The following AMBP variants were observed in gnomAD, a reference collection of about 807,000 sequenced individuals.
The protein encoded by AMBP is alpha-1-microglobulin/bikunin precursor.
AMBP carries 37 observed loss-of-function variants against 46.3 expected under a neutral mutation model. That is an observed-to-expected ratio of 0.80 (90% confidence interval 0.61 to 1.05). The LOEUF is 1.05. Among genes scored for constraint, AMBP ranks in the 50% least tolerant of loss-of-function variants. The pLI is 0.00. For synonymous variants in AMBP, 174 were observed against 175.9 expected, an observed-to-expected ratio of 0.99 and a Z score of 0.09; for missense variants, 475 against 461.2, an observed-to-expected ratio of 1.03 and a Z score of -0.27.
chr9:114,076,812 C>G (rs1266174722), intron 1 of AMBP, 72 bp from the exon 2 acceptor site: 26 of 1,541,490 alleles, frequency 1.7e-5, no homozygotes, highest in Non-Finnish European at 2.1e-5. Flanking sequence ...GACATCTGCT[C>G]CCCACCCTCC....
At chr9:114,076,285 G>A (rs1259756236) in intron 2 of AMBP, among the ~76,000 whole-genome samples, 1 of 151,986 alleles carries the variant, frequency 6.6e-6, no homozygotes, top group African/African-American at 2.4e-5. Flanking sequence ...ACTTGATGAT[G>A]GGTGACAGGG....
At chr9:114,066,534 TGAAAA>T (rs1374562510) in intron 6 of AMBP, among the ~76,000 whole-genome samples, 1 of 151,674 alleles carries the variant, frequency 6.6e-6, no homozygotes, top group African/African-American at 2.4e-5. Context: ...CAGAATAAGA[TGAAAA>T]GAGAAAATCC....
chr9:114,065,278 C>A (rs1846682649), intron 6 of AMBP, among the ~76,000 whole-genome samples: 1 of 152,148 alleles, frequency 6.6e-6, no homozygotes, highest in Non-Finnish European at 1.5e-5. Flanking sequence ...TTAGGGTGGA[C>A]CCTAATCCAA....
intron 6 of AMBP, among the ~76,000 whole-genome samples, chr9:114,065,869 C>T (rs1846688373): frequency 6.6e-6 from 1 of 152,054 alleles, no homozygotes; most frequent in Non-Finnish European, 1.5e-5. Context: ...CAGAAACTAC[C>T]CAAACCCACC....
At chr9:114,061,314 T>C in intron 8 of AMBP, 110 bp downstream of exon 8, 1 of 1,539,572 alleles carries the variant, frequency 6.5e-7, no homozygotes, top group Non-Finnish European at 8.9e-7. Flanking sequence ...CGCCTGGAGT[T>C]CTACCACTGG....
At chr9:114,064,224 A>G (rs1846669938) in intron 6 of AMBP, among the ~76,000 whole-genome samples, 1 of 152,206 alleles carries the variant, frequency 6.6e-6, no homozygotes, top group African/African-American at 2.4e-5. Context: ...CTTTCCTGAA[A>G]AAATTATTTG....
chr9:114,061,520 A>G lies in AMBP; in HGVS notation c.757T>C (p.Ser253Pro), dbSNP rs1242368979. The G allele has an allele frequency of 6.2e-6, 10 of 1,614,058 alleles. No individual in the cohort carries two copies. Among genetic ancestry groups the G allele is most frequent in the Non-Finnish European group, 8.5e-6 (10 of 1,179,988 alleles). Residue 253 changes from serine (S) to proline (P), a missense_variant, in exon 8 of 10, where the codon TCC (serine) becomes CCC (proline). Coordinates refer to ENST00000265132, the MANE Select transcript of AMBP (RefSeq NM_001633.4). The part of the protein sequence containing the change: ...MTSRYFYNGT[S>P]MACETFQYGG... ...TACTGGAAAGTCTCACAGGCCATGG[A>G]TGTACCATTATAGAAATACCTGCTG...
At chr9:114,066,375 A>ATGTGTGTGTGTGTGTGTG (rs1846693445) in intron 6 of AMBP, among the ~76,000 whole-genome samples, 1 of 28,616 alleles carries the variant, frequency 3.5e-5, no homozygotes, top group African/African-American at 1.4e-4. Context: ...ATTTATGTGC[A>ATGTGTGTGTGTGTGTGTG]CGTGTGTGTG....
intron 9 of AMBP, 51 bp downstream of exon 9, chr9:114,060,874 T>A (rs753724251): frequency 2.5e-6 from 4 of 1,578,520 alleles, no homozygotes; most frequent in Non-Finnish European, 3.4e-6. Context: ...CTCTCCCACC[T>A]CGACTCCAAC....
chr9:114,069,457 T>G (rs986765785), intron 6 of AMBP, among the ~76,000 whole-genome samples: 2 of 152,212 alleles, frequency 1.3e-5, no homozygotes, highest in Non-Finnish European at 2.9e-5. Flanking sequence ...CAGAAGGTAA[T>G]TGTGATTATC....
At position 114,060,952 on chromosome 9, in the gene AMBP, T is replaced by C. The variant is rs1021105272; in HGVS notation, c.1000A>G (p.Arg334Gly). 6.2e-7 allele frequency: 1 copy of C among 1,614,108 alleles called. No homozygotes were observed. The highest frequency in any genetic ancestry group is 8.5e-7 in the Non-Finnish European group (1 of 1,180,028). ...GNKFYSEKEC[R>G]EYCGVPGDGD... ...TCACCAGGGACACCGCAGTACTCTC[T>C]GCACTCCTTCTCTGAGTAGAACTTG... is the stretch of plus-strand genomic sequence containing the variant. Residue 334 changes from arginine (R) to glycine (G), a missense_variant, in exon 9 of 10, where the codon AGA (arginine) becomes GGA (glycine). Around this residue, in one of 3 missense-constraint regions of AMBP, gnomAD observed 293 missense variants for 276.9 expected, o/e 1.06. Transcript: ENST00000265132.
intron 4 of AMBP, 118 bp from the exon 5 acceptor site, chr9:114,073,144 T>A: frequency 1.2e-6 from 1 of 843,378 alleles, no homozygotes; most frequent in Non-Finnish European, 1.8e-6. Flanking sequence ...ATTGATGCAG[T>A]TTAATCTATT....
chr9:114,072,852 G>T, intron 5 of AMBP, 73 bp downstream of exon 5: 1 of 1,388,148 alleles, frequency 7.2e-7, no homozygotes, highest in South Asian at 1.2e-5. Flanking sequence ...AGGACCCAGG[G>T]GCTGGGATGG....
In AMBP at chr9:114,076,735, A is replaced by G. The variant is rs1313616484; in HGVS notation, c.123T>C (p.Tyr41=). Residue 41 remains tyrosine, a synonymous_variant, in exon 2 of 10, where the codon TAT becomes TAC. Transcript: ENST00000265132. The part of the protein sequence containing the change: ...VQENFNISRI[Y]GKWYNLAIGS... ...CGATGGCCAGGTTGTACCACTTCCC[A>G]TAGATCTAGGAGGCAGGTGAGCTCT... 1.2e-6 allele frequency: 2 copies of G among 1,613,764 alleles called. No homozygotes were observed. Among genetic ancestry groups the G allele is most frequent in the Admixed American group, 1.7e-5 (1 of 59,958 alleles).
intron 1 of AMBP, 93 bp downstream of exon 1, chr9:114,078,000 G>T: frequency 8.1e-7 from 1 of 1,231,900 alleles, no homozygotes; most frequent in South Asian, 1.2e-5. Flanking sequence ...GGAAGCCTGA[G>T]ACCCCGAGAC....
intron 7 of AMBP, 47 bp from the exon 8 acceptor site, chr9:114,061,638 C>T (rs1846640556): frequency 1.3e-6 from 2 of 1,525,044 alleles, no homozygotes; most frequent in South Asian, 2.6e-5. Context: ...TGACTGTGTA[C>T]CCATTATCAG....
chr9:114,076,873 G>T, intron 1 of AMBP, 133 bp from the exon 2 acceptor site: 2 of 1,180,710 alleles, frequency 1.7e-6, no homozygotes, highest in Non-Finnish European at 2.4e-6. Context: ...TCCTTTTAAG[G>T]GATAATGTCT....
chr9:114,074,813 G>T (rs947000379), intron 3 of AMBP, 147 bp downstream of exon 3: 19 of 672,806 alleles, frequency 2.8e-5, no homozygotes, highest in East Asian at 1.3e-4. Context: ...AGAAGGAGGA[G>T]GAGGAAGAGG....
chr9:114,074,892 G>T, intron 3 of AMBP, 68 bp downstream of exon 3: 1 of 1,378,036 alleles, frequency 7.3e-7, no homozygotes, highest in South Asian at 1.2e-5. Flanking sequence ...GAGGCAGAGG[G>T]AGCTGAGGAC....
Sources: gnomAD v4.1 joint callset for allele counts (sites outside exome capture counted in the v4.1 genomes callset) on GRCh38, gnomAD v4.1.1 for gene constraint, gnomAD v4.1.1 regional missense constraint, MANE v1.5 for transcripts, NCBI Gene and HGNC (gene_info 2026-07-23, HGNC 2026-07-21) for gene names.